Variants in DPF3 observed in about 807,000 individuals in gnomAD.
The protein encoded by DPF3 is double PHD fingers 3.
Under a neutral mutation model 56.8 loss-of-function variants are expected in DPF3, and 18 were observed. That is an observed-to-expected ratio of 0.32 (90% CI 0.22 to 0.47). DPF3 has a LOEUF of 0.47. DPF3 is among the 20% of genes least tolerant of loss of function. DPF3 has a pLI of 1.00. For missense variants in DPF3, 403 were observed against 488.8 expected (o/e 0.82, Z 1.65); for synonymous variants, 188 against 180.2 (o/e 1.04, Z -0.35).
intron 8 of DPF3, among the ~76,000 whole-genome samples, chr14:72,637,903 C>T (rs767488914): frequency 2.6e-5 from 4 of 151,984 alleles, no homozygotes; most frequent in African/African-American, 9.7e-5. Flanking sequence ...GATCCAATGT[C>T]GACACAACAA....
At chr14:72,698,958 CAT>C (rs1016407554) in intron 6 of DPF3, among the ~76,000 whole-genome samples, 3 of 152,120 alleles carry the variant, frequency 2.0e-5, no homozygotes, top group African/African-American at 4.8e-5. Flanking sequence ...AAGAGATGCA[CAT>C]GTTTCTGACG....
chr14:72,697,740 C>T (rs755939779), intron 6 of DPF3, among the ~76,000 whole-genome samples: 23 of 152,090 alleles, frequency 1.5e-4, no homozygotes, highest in Non-Finnish European at 3.2e-4. Context: ...AATTGTTTAC[C>T]TGTGCAACAA....
At chr14:72,658,005 G>A (rs1488088830) in intron 8 of DPF3, among the ~76,000 whole-genome samples, 6 of 152,144 alleles carry the variant, frequency 3.9e-5, no homozygotes, top group African/African-American at 9.7e-5. Flanking sequence ...AGTAGTGTTC[G>A]CATACTTAAA....
chr14:72,707,086 T>C (rs1482175332), intron 6 of DPF3, among the ~76,000 whole-genome samples: 1 of 152,102 alleles, frequency 6.6e-6, no homozygotes, highest in Non-Finnish European at 1.5e-5. Flanking sequence ...GTTTGGTTTT[T>C]TGTTCTTGCG....
intron 8 of DPF3, among the ~76,000 whole-genome samples, chr14:72,642,970 G>C (rs139578223): frequency 1.3e-5 from 2 of 152,178 alleles, no homozygotes; most frequent in Non-Finnish European, 2.9e-5. Context: ...TTGATTCCCC[G>C]TGGGGATCCT....
rs898259891 is a variant in DPF3, at chr14:72,859,470, C to T, written c.32+34587G>A. Among the ~76,000 whole-genome samples the T allele has an allele frequency of 8.2e-3, 157 of 19,224 alleles. 1 individual carries two copies. Among genetic ancestry groups the T allele is most frequent in the South Asian group, 0.041 (10 of 242 alleles). 12.6% of individuals were successfully genotyped at this position (19,224 alleles called of 152,430 possible). A position where few individuals can be genotyped will look rare whatever the true frequency, so the allele number is the denominator to read the frequency against. On this transcript the variant is annotated intron_variant, in intron 1 of 10. Coordinates refer to ENST00000556509, the MANE Select transcript of DPF3 (RefSeq NM_001280542.3). Reference sequence around the variant, plus strand: ...CTTCATTGGTTCTCTGCAGCTTCCTCCCCCCCCCCCCCCACACCATTCCCC... The same window carrying T: ...CTTCATTGGTTCTCTGCAGCTTCCTTCCCCCCCCCCCCCACACCATTCCCC...
At chr14:72,809,190 C>T (rs750306790) in intron 1 of DPF3, among the ~76,000 whole-genome samples, 2 of 152,252 alleles carry the variant, frequency 1.3e-5, no homozygotes, top group Non-Finnish European at 2.9e-5. Context: ...CAGGGCCATG[C>T]CCTTGAACTT....
chr14:72,716,816 T>C (rs139473802), intron 5 of DPF3, among the ~76,000 whole-genome samples: 1 of 152,304 alleles, frequency 6.6e-6, no homozygotes, highest in East Asian at 1.9e-4. Context: ...CCAAAGGCCA[T>C]CTAGGCTTTG....
chr14:72,850,433 T>C (rs2140082814), intron 1 of DPF3, among the ~76,000 whole-genome samples: 1 of 152,246 alleles, frequency 6.6e-6, no homozygotes, highest in South Asian at 2.1e-4. Flanking sequence ...ATGAGCAAAC[T>C]GAGAAAAGGC....
intron 8 of DPF3, chr14:72,671,219 C>T (rs757083170): frequency 6.2e-7 from 1 of 1,613,968 alleles, no homozygotes; most frequent in East Asian, 2.2e-5. Flanking sequence ...TCCAAATCGT[C>T]CTCATCAAAG....
At chr14:72,850,443 C>A (rs1277607375) in intron 1 of DPF3, among the ~76,000 whole-genome samples, 2 of 152,160 alleles carry the variant, frequency 1.3e-5, no homozygotes, top group Non-Finnish European at 2.9e-5. Flanking sequence ...TGAGAAAAGG[C>A]AAAGAGAAAT....
chr14:72,720,975 A>T (rs955404761), intron 5 of DPF3, among the ~76,000 whole-genome samples: 107 of 152,324 alleles, frequency 7.0e-4, no homozygotes, highest in African/African-American at 2.5e-3. Flanking sequence ...TTAATATAAA[A>T]ATTAAGAATG....
rs376201867 is a variant in DPF3, at chr14:72,714,920, A to G, written c.526-419T>C. ...CTTAGCCTCCTAGCTTCACTGACAC[A>G]GCTGAGGTTGACAACCCCAGGCCCC... On this transcript the variant is annotated intron_variant, in intron 5 of 10. Transcript: ENST00000556509. 1.2e-4 allele frequency among the ~76,000 whole-genome samples: 18 copies of G among 152,336 alleles called. No individual in the cohort carries two copies. In the East Asian group the frequency reaches 3.1e-3, roughly 26 times the overall value.
intron 1 of DPF3, among the ~76,000 whole-genome samples, chr14:72,830,622 A>T (rs2051529989): frequency 6.6e-6 from 1 of 152,222 alleles, no homozygotes; most frequent in Non-Finnish European, 1.5e-5. Context: ...TGACGCACTT[A>T]GCATGTGACC....
chr14:72,729,923 T>C (rs760995188), intron 4 of DPF3, among the ~76,000 whole-genome samples: 6 of 151,976 alleles, frequency 3.9e-5, no homozygotes, highest in Admixed American at 2.6e-4. Context: ...ACTTTGAACA[T>C]TGGGTGATAA....
intron 8 of DPF3, among the ~76,000 whole-genome samples, chr14:72,639,575 C>T (rs1885481738): frequency 6.6e-6 from 1 of 152,176 alleles, no homozygotes; most frequent in Non-Finnish European, 1.5e-5. Flanking sequence ...ACAGACAGGT[C>T]CATGTGGCAA....
At position 72,615,274 on chromosome 14, in the gene DPF3, G is replaced by A. The variant is rs1884025067; in HGVS notation, c.*4023C>T. Among the ~76,000 whole-genome samples, 1 of 152,182 alleles carries A rather than the reference G, an allele frequency of 6.6e-6. No individual in the cohort carries two copies. Among genetic ancestry groups the A allele is most frequent in the South Asian group, 2.1e-4 (1 of 4,826 alleles). Reference sequence around the variant, plus strand: ...ACCTCCTCACACACAGACCCAAAGAGGAGACTATAAGCCCCTCTTCTTTGA... The same window carrying A: ...ACCTCCTCACACACAGACCCAAAGAAGAGACTATAAGCCCCTCTTCTTTGA... On this transcript the variant is annotated 3_prime_UTR_variant, in exon 11 of 11. Transcript: ENST00000556509.
chr14:72,674,140 C>T (rs954572160), intron 8 of DPF3, 100 bp downstream of exon 8: 2 of 1,431,318 alleles, frequency 1.4e-6, no homozygotes, highest in Non-Finnish European at 1.8e-6. Flanking sequence ...TTGCCACCAT[C>T]GCTTCCCTCT....
chr14:72,801,731 T>G (rs773166653), intron 1 of DPF3, among the ~76,000 whole-genome samples: 75 of 152,246 alleles, frequency 4.9e-4, no homozygotes, highest in Non-Finnish European at 6.6e-4. Context: ...AGCCCCATAC[T>G]AAATGGTGCC....
Sources: allele counts gnomAD v4.1 joint callset (sites outside exome capture counted in the v4.1 genomes callset), GRCh38; gene constraint gnomAD v4.1.1; transcripts MANE v1.5; gene names NCBI Gene and HGNC (gene_info 2026-07-23, HGNC 2026-07-21).